Variants in FGF14 observed in about 807,000 individuals in gnomAD.
FGF14 encodes fibroblast growth factor homologous factor 4.
A neutral mutation model predicts 25.5 loss-of-function variants in FGF14; 5 were observed. The ratio of observed to expected loss-of-function variants is 0.20; its 90% confidence interval spans 0.10 to 0.41. FGF14 has a LOEUF of 0.41. FGF14 is among the 10% of genes least tolerant of loss of function. The pLI is 1.00. For missense variants in FGF14, 222 were observed against 320.1 expected (o/e 0.69, Z 2.34); for synonymous variants, 138 against 118.3 (o/e 1.17, Z -1.08).
At chr13:102,234,766 G>GT (rs2051254139) in intron 1 of FGF14, among the ~76,000 whole-genome samples, 1 of 152,092 alleles carries the variant, frequency 6.6e-6, no homozygotes, top group Non-Finnish European at 1.5e-5. Context: ...AATTACATCT[G>GT]AGCTTATGAA....
intron 1 of FGF14, among the ~76,000 whole-genome samples, chr13:102,392,921 T>A (rs2058467443): frequency 6.6e-6 from 1 of 152,184 alleles, no homozygotes. Context: ...GATATGATCA[T>A]GACACAGAAG....
intron 1 of FGF14, among the ~76,000 whole-genome samples, chr13:102,272,925 C>G (rs1356580552): frequency 6.6e-6 from 1 of 152,058 alleles, no homozygotes; most frequent in Admixed American, 6.6e-5. Context: ...TAGCTTCAAA[C>G]GTAGTTTAAT....
rs1170916562 is a variant in FGF14, at chr13:101,714,791, A to G, written c.*8040T>C. 1.2e-5 allele frequency: 6 copies of G among 511,814 alleles called. No individual in the cohort carries two copies. The highest frequency in any genetic ancestry group is 2.1e-5 in the Non-Finnish European group (6 of 287,426). 31.7% of individuals were successfully genotyped at this position (511,814 alleles called of 1,614,324 possible). A position where few individuals can be genotyped will look rare whatever the true frequency, so the allele number is the denominator to read the frequency against. On this transcript the variant is annotated 3_prime_UTR_variant, in exon 5 of 5. Coordinates refer to ENST00000376143, the MANE Select transcript of FGF14 (RefSeq NM_004115.4). ...TTGTGATTATTTGGGATCCTTCCACAAAGTAACCTCCCCACCCTCAAACTC... is the reference window on the plus strand; with the variant it reads ...TTGTGATTATTTGGGATCCTTCCACGAAGTAACCTCCCCACCCTCAAACTC...
At chr13:101,940,453 G>A (rs2035374510) in intron 1 of FGF14, among the ~76,000 whole-genome samples, 1 of 152,172 alleles carries the variant, frequency 6.6e-6, no homozygotes, top group Non-Finnish European at 1.5e-5. Context: ...GGCAGAGAGG[G>A]TGGCCTACTT....
rs147716081 is a variant in FGF14, at chr13:102,025,469, C to G, written c.209-150173G>C. Among the ~76,000 whole-genome samples, 20 of 152,070 alleles carry G rather than the reference C, an allele frequency of 1.3e-4. No homozygotes were observed. In the East Asian group the frequency reaches 3.5e-3, roughly 27 times the overall value. On this transcript the variant is annotated intron_variant, in intron 1 of 4. Transcript: ENST00000376131. ...CATCACCCAGGCTGGAGTGCAGTGG[C>G]ATGATCTTGGTTCACTGCAACTTCT...
intron 3 of FGF14, among the ~76,000 whole-genome samples, chr13:101,733,205 T>G (rs547946943): frequency 8.9e-4 from 135 of 152,278 alleles, no homozygotes; most frequent in African/African-American, 3.0e-3. Flanking sequence ...AGTCAAAAAT[T>G]TTTAATATTG....
At chr13:101,904,171 T>G (rs2031940086) in intron 1 of FGF14, among the ~76,000 whole-genome samples, 1 of 152,192 alleles carries the variant, frequency 6.6e-6, no homozygotes, top group Admixed American at 6.5e-5. Context: ...CTGCCCAAGT[T>G]TTCCAGCCAG....
At chr13:101,727,582 T>G (rs939349651) in intron 3 of FGF14, among the ~76,000 whole-genome samples, 2 of 152,136 alleles carry the variant, frequency 1.3e-5, no homozygotes, top group African/African-American at 4.8e-5. Context: ...AGCACAAAGC[T>G]TACTACTTTA....
intron 1 of FGF14, among the ~76,000 whole-genome samples, chr13:102,117,357 G>A (rs989636855): frequency 6.6e-6 from 1 of 151,854 alleles, no homozygotes; most frequent in South Asian, 2.1e-4. Context: ...CCATGTTCTG[G>A]GCCTGTCATA....
intron 1 of FGF14, among the ~76,000 whole-genome samples, chr13:102,105,854 T>A (rs1395027861): frequency 6.6e-6 from 1 of 152,214 alleles, no homozygotes; most frequent in Admixed American, 6.5e-5. Flanking sequence ...ATTCAATGCA[T>A]AATGTGTTTG....
chr13:102,211,956 C>G (rs149244832), intron 1 of FGF14, among the ~76,000 whole-genome samples: 1 of 152,296 alleles, frequency 6.6e-6, no homozygotes, highest in Non-Finnish European at 1.5e-5. Context: ...AATGTCCATT[C>G]CATTAAGTCA....
chr13:102,076,835 G>A (rs1372100413), intron 1 of FGF14, among the ~76,000 whole-genome samples: 3 of 151,838 alleles, frequency 2.0e-5, no homozygotes, highest in Non-Finnish European at 4.4e-5. Flanking sequence ...TGAGCAAAAG[G>A]AACAAAGCTG....
intron 1 of FGF14, among the ~76,000 whole-genome samples, chr13:102,348,145 G>A (rs1035549865): frequency 6.6e-6 from 1 of 152,120 alleles, no homozygotes; most frequent in East Asian, 1.9e-4. Flanking sequence ...CCTGTAGAAA[G>A]ATGAGTTCCA....
chr13:102,116,110 C>CAAAT (rs1482510314), intron 1 of FGF14, among the ~76,000 whole-genome samples: 6 of 151,890 alleles, frequency 4.0e-5, no homozygotes, highest in East Asian at 1.9e-4. Context: ...AATTCCATCT[C>CAAAT]AAATAAACAA....
At chr13:102,249,582 G>A (rs905127542) in intron 1 of FGF14, among the ~76,000 whole-genome samples, 43 of 148,986 alleles carry the variant, frequency 2.9e-4, no homozygotes, top group African/African-American at 9.6e-4. Context: ...GTGTGTACGC[G>A]CACACATGGG....
intron 1 of FGF14, among the ~76,000 whole-genome samples, chr13:102,062,513 T>A (rs1045190201): frequency 6.6e-6 from 1 of 152,112 alleles, no homozygotes; most frequent in Non-Finnish European, 1.5e-5. Context: ...TAATTTTCAC[T>A]GACTAAAAAA....
At position 101,792,837 on chromosome 13, in the gene FGF14, C is replaced by T. The variant is rs77437169; in HGVS notation, c.409-66027G>A. 1.6e-4 allele frequency among the ~76,000 whole-genome samples: 24 copies of T among 152,140 alleles called. No individual in the cohort carries two copies. In the East Asian group the frequency reaches 3.9e-3, roughly 25 times the overall value. ...AACAATCAGTTGGAGCTGAGTAGAA[C>T]CTGGCTATTTTCATTTTTTAAAAAA... On this transcript the variant is annotated intron_variant, in intron 3 of 4. Coordinates refer to ENST00000376143, the MANE Select transcript of FGF14 (RefSeq NM_004115.4).
chr13:102,385,071 T>C (rs117197142), intron 1 of FGF14, among the ~76,000 whole-genome samples: 44 of 152,326 alleles, frequency 2.9e-4, no homozygotes, highest in Admixed American at 5.2e-4. Flanking sequence ...ATCAATGATA[T>C]ACGATATGTT....
At chr13:101,974,553 G>A (rs7982386) in intron 1 of FGF14, among the ~76,000 whole-genome samples, 55,581 of 151,840 alleles carry the variant, frequency 0.37, 10,668 homozygotes, top group East Asian at 0.71. Context: ...CTAATACAAT[G>A]TATCCCTGCT....
Sources: allele counts gnomAD v4.1 joint callset (sites outside exome capture counted in the v4.1 genomes callset), GRCh38; gene constraint gnomAD v4.1.1; transcripts MANE v1.5; gene names NCBI Gene and HGNC (gene_info 2026-07-23, HGNC 2026-07-21).